Variants in CHERP observed in about 807,000 individuals in gnomAD.
The protein encoded by CHERP is ERPROT 213-21.
CHERP carries 8 observed loss-of-function variants against 113.8 expected under a neutral mutation model. The ratio of observed to expected loss-of-function variants is 0.07; its 90% CI spans 0.04 to 0.13. The LOEUF is 0.13. Among genes scored for constraint, CHERP ranks in the 10% least tolerant of loss-of-function variants. The pLI is 1.00. For synonymous variants in CHERP, 559 were observed against 524.5 expected, an observed-to-expected ratio of 1.07 and a Z score of -0.90; for missense variants, 884 against 1,298.2, an observed-to-expected ratio of 0.68 and a Z score of 4.90.
rs1201020809 is a variant in CHERP, at chr19:16,525,971, A to T, written c.1306-294T>A. 6.6e-6 allele frequency among the ~76,000 whole-genome samples: 1 copy of T among 152,206 alleles called. No homozygotes were observed. Among genetic ancestry groups the T allele is most frequent in the Non-Finnish European group, 1.5e-5 (1 of 68,016 alleles). On this transcript the variant is annotated intron_variant, in intron 9 of 16. Coordinates refer to ENST00000546361, the MANE Select transcript of CHERP (RefSeq NM_006387.6). This position sits in a 1 kb window ranked among gnomAD's most constrained non-coding sequence, Gnocchi z 6.5. ...CCGCACACAGGCCGCCCGCGCCACA[A>T]GGTGCTCCCCGCTACCACTGCCAGA...
At position 16,525,340 on chromosome 19, in the gene CHERP, G is replaced by A. The variant is rs2085649903; in HGVS notation, c.1643C>T (p.Pro548Leu). The change falls in exon 10 of 17, where the codon CCG becomes CTG. Residue 548 changes from proline to leucine, a missense_variant. Pro to Leu is a moderately conservative substitution (Grantham distance 98, BLOSUM62 -3). Around this residue, in one of 8 missense-constraint regions of CHERP, gnomAD observed 464 missense variants for 590.1 expected, o/e 0.79. Coordinates refer to ENST00000546361, the MANE Select transcript of CHERP (RefSeq NM_006387.6). This position sits in a 1 kb window ranked among gnomAD's most constrained non-coding sequence, Gnocchi z 6.5. ...PPHPHNFNRF[P>L]PRFMQDDFPP... The stretch of plus-strand genomic sequence containing the variant: ...GAAGTCGTCCTGCATGAAGCGGGGC[G>A]GGAAGCGGTTGAAGTTGTGGGGGTG... The A allele has an allele frequency of 6.8e-7, 1 of 1,479,554 alleles. No homozygotes were observed. The highest frequency in any genetic ancestry group is 2.5e-5 in the East Asian group (1 of 40,662). 91.7% of individuals were successfully genotyped at this position (1,479,554 alleles called of 1,614,324 possible). A position where few individuals can be genotyped will look rare whatever the true frequency, so the allele number is the denominator to read the frequency against.
intron 2 of CHERP, among the ~76,000 whole-genome samples, chr19:16,536,154 C>T (rs2085740011): frequency 6.6e-6 from 1 of 152,252 alleles, no homozygotes; most frequent in Admixed American, 6.5e-5. Flanking sequence ...CTGCGGCCTC[C>T]CCCACACCTG....
Position 16,541,853 on chromosome 19 carries a change from T to TCA in CHERP, c.199+16_199+17insTG, listed in dbSNP as rs1402874202. ...GAAGCGCTCGATGGGACGGCCTGAG[T>TCA]GCCGGAGGGGACTCACGCTGCTGCT... is the stretch of plus-strand genomic sequence containing the variant. On this transcript the variant is annotated intron_variant, in intron 2 of 16. Transcript: ENST00000546361. 6.2e-7 allele frequency: 1 copy of TCA among 1,608,490 alleles called. No individual in the cohort carries two copies. Among genetic ancestry groups the TCA allele is most frequent in the Admixed American group, 1.7e-5 (1 of 59,110 alleles).
At chr19:16,533,286 C>T in intron 3 of CHERP, 138 bp from the exon 4 acceptor site, 1 of 769,574 alleles carries the variant, frequency 1.3e-6, no homozygotes, top group South Asian at 1.8e-5. Flanking sequence ...CATCAGCTCC[C>T]TTGCTTGTCC....
intron 8 of CHERP, 59 bp from the exon 9 acceptor site, chr19:16,528,314 TC>T (rs1257273909): frequency 3.4e-6 from 5 of 1,473,848 alleles, no homozygotes; most frequent in Non-Finnish European, 4.6e-6. Flanking sequence ...CTGTCTCCTC[TC>T]CACACTACCC....
chr19:16,525,264 G>A lies in CHERP; in HGVS notation c.1719C>T (p.Tyr573=). The A allele has an allele frequency of 7.0e-7, 1 of 1,433,024 alleles. No individual in the cohort carries two copies. Among genetic ancestry groups the A allele is most frequent in the Admixed American group, 3.0e-5 (1 of 33,430 alleles). The allele number at this position is 1,433,024 out of a possible 1,614,324, so 88.8% of individuals were successfully genotyped here. The change falls in exon 10 of 17, where the codon TAC becomes TAT. Residue 573 remains tyrosine, a synonymous_variant. Transcript: ENST00000546361. This position sits in a 1 kb window ranked among gnomAD's most constrained non-coding sequence, Gnocchi z 6.5. ...ERPPYPHRFD[Y]PQGDFPAEMG... ...CACCGGCAGGGAAGTCCCCCTGGGGGTAGTCGAAGCGGTGGGGATAGGGCG... is the reference window on the plus strand; with the variant it reads ...CACCGGCAGGGAAGTCCCCCTGGGGATAGTCGAAGCGGTGGGGATAGGGCG...
In CHERP at chr19:16,532,675, G is replaced by A. The variant is rs754595037; in HGVS notation, c.597C>T (p.Asn199=). ...AGTGTGCCCCATCAGCCGTGATGCG[G>A]TTCCGGAGGTGGCCGGCCATCAGCT... The part of the protein sequence containing the change: ...HCELMAGHLR[N]RITADGAHFE... The change falls in exon 5 of 17, where the codon AAC becomes AAT. Residue 199 remains asparagine (N), a synonymous_variant. Transcript: ENST00000546361. This position sits in a 1 kb window ranked among gnomAD's most constrained non-coding sequence, Gnocchi z 4.4. 13 of 1,613,618 alleles carry A rather than the reference G, an allele frequency of 8.1e-6. No homozygotes were observed. In the South Asian group the frequency reaches 1.1e-4, roughly 14 times the overall value.
rs1322769195 is a variant in CHERP at position 16,519,579 on chromosome 19, C to T, written c.2557+42G>A. The T allele has an allele frequency of 8.5e-6, 13 of 1,535,976 alleles. No individual in the cohort carries two copies. Among genetic ancestry groups the T allele is most frequent in the East Asian group, 2.2e-5 (1 of 44,522 alleles). ...GCTGGTGACTCCCGGGCCCAGCACG[C>T]GTGAGGACCCATCCCGCGCCCTCCC... On this transcript the variant is annotated intron_variant, in intron 16 of 16. Coordinates refer to ENST00000546361, the MANE Select transcript of CHERP (RefSeq NM_006387.6). This position sits in a 1 kb window ranked among gnomAD's most constrained non-coding sequence, Gnocchi z 6.0.
At chr19:16,536,828 C>T (rs1242470933) in intron 2 of CHERP, among the ~76,000 whole-genome samples, 1 of 152,146 alleles carries the variant, frequency 6.6e-6, no homozygotes, top group Non-Finnish European at 1.5e-5. Context: ...CCAGCCTGGC[C>T]AACATGGCCC....
chr19:16,538,669 G>A (rs2122288176), intron 2 of CHERP, among the ~76,000 whole-genome samples: 1 of 151,938 alleles, frequency 6.6e-6, no homozygotes, highest in African/African-American at 2.4e-5. Flanking sequence ...GGCAACAAGA[G>A]CAAGACTCCA....
rs961561103 is a variant in CHERP at position 16,532,503 on chromosome 19, C to A, written c.674+95G>T. On this transcript the variant is annotated intron_variant, in intron 5 of 16. Coordinates refer to ENST00000546361, the MANE Select transcript of CHERP (RefSeq NM_006387.6). This position sits in a 1 kb window ranked among gnomAD's most constrained non-coding sequence, Gnocchi z 4.4. ...AGTGCCCCCTAGTCTCGGGACAGGC[C>A]AAGCCAAGCTACCGACCGGAGCAAG... 7.0e-7 allele frequency: 1 copy of A among 1,423,132 alleles called. No individual in the cohort carries two copies. Among genetic ancestry groups the A allele is most frequent in the Non-Finnish European group, 9.3e-7 (1 of 1,075,662 alleles). The allele number at this position is 1,423,132 out of a possible 1,614,324, so 88.2% of individuals were successfully genotyped here.
At chr19:16,541,061 C>T (rs1487985635) in intron 2 of CHERP, 2 of 152,010 alleles carry the variant, frequency 1.3e-5, no homozygotes, top group Non-Finnish European at 2.9e-5. Flanking sequence ...TGACCTTGTA[C>T]CTTAATACAA....
intron 11 of CHERP, 81 bp downstream of exon 11, chr19:16,522,971 C>G: frequency 6.9e-7 from 1 of 1,439,816 alleles, no homozygotes; most frequent in Non-Finnish European, 9.2e-7. Flanking sequence ...GCACCCGGTC[C>G]CGTGCATTCA....
chr19:16,531,819 T>C lies in CHERP; in HGVS notation c.674+779A>G, dbSNP rs565128042. On this transcript the variant is annotated intron_variant, in intron 5 of 16. Coordinates refer to ENST00000546361, the MANE Select transcript of CHERP (RefSeq NM_006387.6). ...CAAGAGGGACTCAGGCAGTGCTGCA[T>C]GTGATAGATGGGGCGAGATGGGTGC... 2.0e-5 allele frequency among the ~76,000 whole-genome samples: 3 copies of C among 151,904 alleles called. No individual in the cohort carries two copies. The East Asian group carries it at 5.9e-4, about 30-fold the overall frequency.
In CHERP at chr19:16,535,215, G is replaced by C. The variant is rs1489378717; in HGVS notation, c.384+237C>G. Among the ~76,000 whole-genome samples the C allele has an allele frequency of 6.6e-6, 1 of 152,242 alleles. No individual in the cohort carries two copies. The highest frequency in any genetic ancestry group is 2.4e-5 in the African/African-American group (1 of 41,474). On this transcript the variant is annotated intron_variant, in intron 3 of 16. Transcript: ENST00000546361. The surrounding 1 kb of genome is among the most constrained non-coding windows in gnomAD (Gnocchi z 4.3). ...ATACGTGCCCCACAGTCCCACTCAGGGGGGTCCACCCCAGGGTGATGGGTG... is the reference window on the plus strand; with the variant it reads ...ATACGTGCCCCACAGTCCCACTCAGCGGGGTCCACCCCAGGGTGATGGGTG...
chr19:16,528,040 G>A, intron 9 of CHERP, 40 bp downstream of exon 9: 2 of 1,603,064 alleles, frequency 1.2e-6, no homozygotes, highest in East Asian at 2.2e-5. Context: ...ATCAGGCCAA[G>A]TGTGCCCCAT....
chr19:16,521,156 C>T (rs889925754), intron 12 of CHERP: 10 of 590,826 alleles, frequency 1.7e-5, no homozygotes, highest in Non-Finnish European at 2.1e-5. Context: ...GGTGGGGACC[C>T]ATGGTCTGTG....
intron 9 of CHERP, among the ~76,000 whole-genome samples, chr19:16,527,653 C>T (rs558478876): frequency 6.6e-6 from 1 of 152,326 alleles, no homozygotes; most frequent in Admixed American, 6.5e-5. Flanking sequence ...GCATCTGAGG[C>T]CTCCCAGGGG....
At chr19:16,537,434 T>G (rs1330595795) in intron 2 of CHERP, among the ~76,000 whole-genome samples, 2 of 152,134 alleles carry the variant, frequency 1.3e-5, no homozygotes, top group Non-Finnish European at 2.9e-5. Flanking sequence ...GTGTGATTCC[T>G]AAATCCATCA....
Sources: gnomAD v4.1 joint callset for allele counts (sites outside exome capture counted in the v4.1 genomes callset) on GRCh38, gnomAD v4.1.1 for gene constraint, gnomAD v4.1.1 regional missense constraint, Gnocchi (gnomAD v3.1) non-coding constraint, MANE v1.5 for transcripts, NCBI Gene and HGNC (gene_info 2026-07-23, HGNC 2026-07-21) for gene names.